The following HUWE1 variants were observed in gnomAD, a reference collection of about 807,000 sequenced individuals.
The protein encoded by HUWE1 is HECT, UBA and WWE domain containing E3 ubiquitin protein ligase 1.
Under a neutral mutation model 299.4 loss-of-function variants are expected in HUWE1, and 18 were observed. The ratio of observed to expected loss-of-function variants is 0.06; its 90% CI spans 0.04 to 0.09. The LOEUF (loss-of-function observed/expected upper bound fraction) is 0.09, where lower values mean the gene tolerates loss of function less well. Ranked by LOEUF, HUWE1 falls within the 10% of genes least tolerant of loss-of-function variation. The pLI is 1.00. For missense variants in HUWE1, 1,832 were observed against 3,462.3 expected, an observed-to-expected ratio of 0.53 and a Z score of 11.82; for synonymous variants, 1,317 against 1,286.1, an observed-to-expected ratio of 1.02 and a Z score of -0.51.
chrX:53,577,166 G>A (rs1316427055), intron 43 of HUWE1, 99 bp from the exon 44 acceptor site: 1 of 624,001 alleles, frequency 1.6e-6, no homozygotes, highest in African/African-American at 2.2e-5. Flanking sequence ...GATATAGAAG[G>A]CTTGAGATAG....
Position 53,534,160 on chromosome X carries a change from T to G in HUWE1, c.12869A>C (p.Gln4290Pro). The change falls in exon 83 of 84, where the codon CAA becomes CCA. Residue 4290 changes from glutamine (Q) to proline (P), a missense_variant. By Grantham distance (76) the Gln-to-Pro change is moderately conservative. Transcript: ENST00000262854. The stretch of plus-strand genomic sequence containing the variant: ...CTGGAGGAACTTGGCACGGTCAGCT[T>G]GATCGAAAGAACGCAATGCTCTCCA... ...WFWRALRSFD[Q>P]ADRAKFLQFV... The G allele has an allele frequency of 8.3e-7, 1 of 1,210,571 alleles. No homozygotes were observed. Among genetic ancestry groups the G allele is most frequent in the Non-Finnish European group, 1.1e-6 (1 of 894,907 alleles).
intron 42 of HUWE1, among the ~76,000 whole-genome samples, chrX:53,582,829 C>T (rs1423878809): frequency 9.1e-6 from 1 of 109,546 alleles, no homozygotes; most frequent in Non-Finnish European, 1.9e-5. Context: ...GGCACCATCT[C>T]GGCTCACTGC....
intron 19 of HUWE1, among the ~76,000 whole-genome samples, chrX:53,621,683 C>T (rs2066156305): frequency 9.0e-6 from 1 of 111,050 alleles, no homozygotes; most frequent in Non-Finnish European, 1.9e-5. Flanking sequence ...CCAGTCACTA[C>T]CTATATTTCC....
rs1049154693 is a variant in HUWE1, at chrX:53,544,014, A to G, written c.11252-46T>C. ...AAGGCAAGATATAAAATATAGGAAG[A>G]GGGAAAGCCCAATATTCTCTCTCCT... On this transcript the variant is annotated intron_variant, in intron 72 of 83. Transcript: ENST00000262854. The G allele has an allele frequency of 4.6e-6, 5 of 1,076,181 alleles. No individual in the cohort carries two copies. In the African/African-American group the frequency reaches 7.3e-5, roughly 16 times the overall value. 88.7% of individuals were successfully genotyped at this position (1,076,181 alleles called of 1,213,427 possible).
In HUWE1 at chrX:53,617,160, C is replaced by A. The variant is rs782708188; in HGVS notation, c.1780-13G>T. The stretch of plus-strand genomic sequence containing the variant: ...GGGTAGCAGGAACCTAAAGAGAAAA[C>A]AAAGTGAGCTTGAATGCATCTAAAA... On this transcript the variant is annotated splice_polypyrimidine_tract_variant and intron_variant, in intron 20 of 83. Transcript: ENST00000262854. 1 of 1,202,879 alleles carries A rather than the reference C, an allele frequency of 8.3e-7. No homozygotes were observed. The highest frequency in any genetic ancestry group is 2.2e-5 in the Admixed American group (1 of 45,827).
intron 28 of HUWE1, among the ~76,000 whole-genome samples, chrX:53,600,539 C>G (rs1377592370): frequency 8.9e-6 from 1 of 112,356 alleles, no homozygotes; most frequent in African/African-American, 3.2e-5. Flanking sequence ...ATAGTATTAA[C>G]CCAGGGCTAC....
chrX:53,684,187 G>C (rs781789241), intron 2 of HUWE1: 2 of 241,184 alleles, frequency 8.3e-6, no homozygotes, highest in African/African-American at 5.6e-5. Flanking sequence ...TACCACGGCC[G>C]GCTCCCGCAT....
chrX:53,542,660 G>A, intron 73 of HUWE1, 121 bp from the exon 74 acceptor site: 4 of 535,519 alleles, frequency 7.5e-6, no homozygotes, highest in Non-Finnish European at 1.3e-5. Flanking sequence ...CCCATATTTG[G>A]GTGGGGAAAA....
intron 45 of HUWE1, 100 bp downstream of exon 45, chrX:53,575,543 T>C (rs1270347124): frequency 3.3e-6 from 3 of 919,898 alleles, no homozygotes; most frequent in Non-Finnish European, 4.6e-6. Context: ...TACATCACAA[T>C]TAATATCTTT....
At chrX:53,535,853 C>G in intron 80 of HUWE1, 1 of 376,575 alleles carries the variant, frequency 2.7e-6, no homozygotes, top group South Asian at 4.1e-5. Context: ...CCTTCATTTT[C>G]CCCCCACTTA....
At chrX:53,562,343 G>A (rs782698510) in intron 53 of HUWE1, 99 bp from the exon 54 acceptor site, 1 of 1,027,570 alleles carries the variant, frequency 9.7e-7, no homozygotes, top group South Asian at 2.0e-5. Context: ...TGGGATATCT[G>A]ACTCTATGAG....
At chrX:53,629,211 A>T (rs1227493786) in intron 13 of HUWE1, among the ~76,000 whole-genome samples, 1 of 111,650 alleles carries the variant, frequency 9.0e-6, no homozygotes, top group Non-Finnish European at 1.9e-5. Flanking sequence ...AAATATTCCC[A>T]AATCCAAAAC....
chrX:53,539,032 C>A lies in HUWE1; in HGVS notation c.11681G>T (p.Arg3894Leu). Residue 3894 changes from arginine (R) to leucine (L), a missense_variant, in exon 76 of 84, where the codon CGG becomes CTG. By Grantham distance (102) the Arg-to-Leu change is moderately radical. Coordinates refer to ENST00000262854, the MANE Select transcript of HUWE1 (RefSeq NM_031407.7). ...GTCTCGGACAGGAGGCTTGCTCTCC[C>A]GCTCTGTGGCATGGACCAGAAAGAA... ...EAFFLVHATERESKPPVRDTR... is the reference protein window; with the variant it reads ...EAFFLVHATELESKPPVRDTR... 8.3e-7 allele frequency: 1 copy of A among 1,208,662 alleles called. No homozygotes were observed. Among genetic ancestry groups the A allele is most frequent in the Non-Finnish European group, 1.1e-6 (1 of 893,830 alleles).
chrX:53,654,665 T>C (rs181733553), intron 3 of HUWE1, among the ~76,000 whole-genome samples: 1 of 112,200 alleles, frequency 8.9e-6, no homozygotes, highest in Non-Finnish European at 1.9e-5. Context: ...TGGTTTAAAA[T>C]GGAATGTCAC....
At chrX:53,634,330 G>T in intron 7 of HUWE1, 32 bp from the exon 8 acceptor site, 1 of 1,095,698 alleles carries the variant, frequency 9.1e-7, no homozygotes, top group Non-Finnish European at 1.3e-6. Context: ...TGTTAAGACA[G>T]TGCTTATGGT....
intron 6 of HUWE1, among the ~76,000 whole-genome samples, chrX:53,645,924 A>G (rs1377856173): frequency 9.2e-6 from 1 of 108,383 alleles, no homozygotes; most frequent in African/African-American, 3.4e-5. Context: ...ACAAATACAC[A>G]TGTGGGACTC....
intron 33 of HUWE1, 95 bp downstream of exon 33, chrX:53,592,303 A>C: frequency 1.6e-6 from 1 of 619,812 alleles, no homozygotes; most frequent in South Asian, 2.2e-5. Context: ...TAATGTGACC[A>C]GGGACTCAGT....
At chrX:53,535,849 T>C (rs2061021300) in intron 80 of HUWE1, 2 of 373,540 alleles carry the variant, frequency 5.4e-6, no homozygotes, top group South Asian at 8.2e-5. Flanking sequence ...ACTGCCTTCA[T>C]TTTCCCCCCA....
intron 7 of HUWE1, among the ~76,000 whole-genome samples, chrX:53,634,739 G>C (rs1292994485): frequency 8.9e-6 from 1 of 112,264 alleles, no homozygotes; most frequent in Non-Finnish European, 1.9e-5. Flanking sequence ...AAAGCACTAG[G>C]GAGGAAATCA....
Sources: allele counts gnomAD v4.1 joint callset (sites outside exome capture counted in the v4.1 genomes callset), GRCh38; gene constraint gnomAD v4.1.1; transcripts MANE v1.5; gene names NCBI Gene and HGNC (gene_info 2026-07-23, HGNC 2026-07-21).